Variants in USP30 observed in about 807,000 individuals in gnomAD.
USP30 encodes ubiquitin specific peptidase 30.
USP30 carries 41 observed loss-of-function variants against 68.2 expected under a neutral mutation model. The ratio of observed to expected loss-of-function variants is 0.60; its 90% CI spans 0.47 to 0.78. The LOEUF is 0.78. Ranked by LOEUF, USP30 falls within the 30% of genes least tolerant of loss-of-function variation. The pLI, the probability that USP30 is intolerant of heterozygous loss-of-function variation, is 0.00. For synonymous variants in USP30, 229 were observed against 253.7 expected, an observed-to-expected ratio of 0.90 and a Z score of 0.93; for missense variants, 522 against 649.4, an observed-to-expected ratio of 0.80 and a Z score of 2.13.
chr12:109,048,661 A>G (rs1566079900), upstream of USP30, among the ~76,000 whole-genome samples: 2 of 148,282 alleles, frequency 1.3e-5, no homozygotes, highest in Non-Finnish European at 3.0e-5. Context: ...AATGGCTTGA[A>G]CCTGGGAGGT....
chr12:109,082,270 C>T (rs1304282731), intron 9 of USP30, among the ~76,000 whole-genome samples: 1 of 152,230 alleles, frequency 6.6e-6, no homozygotes, highest in African/African-American at 2.4e-5. Context: ...CTCCAGTTTG[C>T]TGCAGTTGCC....
At chr12:109,076,446 A>C (rs557810505) in intron 7 of USP30, among the ~76,000 whole-genome samples, 2 of 151,678 alleles carry the variant, frequency 1.3e-5, no homozygotes, top group South Asian at 4.2e-4. Context: ...TATCCTGGCT[A>C]AGACTTATGG....
intron 3 of USP30, among the ~76,000 whole-genome samples, chr12:109,062,377 C>T (rs1335165879): frequency 1.3e-5 from 2 of 149,336 alleles, no homozygotes; most frequent in Middle Eastern, 3.4e-3. Flanking sequence ...CTCTGTCGCC[C>T]AGGCTGGAGT....
chr12:109,052,618 G>A lies in USP30; in HGVS notation c.-61G>A, dbSNP rs2040694915. On this transcript the variant is annotated 5_prime_UTR_variant, in exon 1 of 13. Transcript: ENST00000257548. ...TGTCTCGGGAACCGTCGTATCCCTC[G>A]GTCCGGCGGCGGCGGCGGCGGTAGC... The A allele has an allele frequency of 1.4e-6, 2 of 1,410,780 alleles. No homozygotes were observed. Among genetic ancestry groups the A allele is most frequent in the Admixed American group, 3.1e-5 (1 of 32,492 alleles). The allele number at this position is 1,410,780 out of a possible 1,614,324, so 87.4% of individuals were successfully genotyped here.
At position 109,052,727 on chromosome 12, in the gene USP30, A is replaced by G; in HGVS notation, c.49A>G (p.Ile17Val). Residue 17 changes from isoleucine to valine, a missense_variant, in exon 1 of 13, where the codon ATC becomes GTC. By Grantham distance (29) the Ile-to-Val change is conservative. Transcript: ENST00000257548. The part of the protein sequence containing the change: ...EAAMTAADRA[I>V]QRFLRTGAAV... ...GGCGATGACCGCGGCCGACAGGGCC[A>G]TCCAGCGCTTCCTGCGGACCGGGGC... The G allele has an allele frequency of 1.4e-6, 2 of 1,470,578 alleles. No individual in the cohort carries two copies. Among genetic ancestry groups the G allele is most frequent in the Middle Eastern group, 1.9e-4 (1 of 5,294 alleles). 91.1% of individuals were successfully genotyped at this position (1,470,578 alleles called of 1,614,324 possible).
chr12:109,080,438 A>C (rs2041763658), intron 7 of USP30, among the ~76,000 whole-genome samples: 2 of 152,152 alleles, frequency 1.3e-5, no homozygotes, highest in Admixed American at 1.3e-4. Context: ...GTTTTGTTGC[A>C]AACTTTACAA....
At chr12:109,047,162 T>G (rs2040612496) in intron 3 of USP30, among the ~76,000 whole-genome samples, 1 of 94,834 alleles carries the variant, frequency 1.1e-5, no homozygotes, top group Non-Finnish European at 2.1e-5. Context: ...ACAACAGAGG[T>G]GGATGCATTT....
At chr12:109,055,856 G>A (rs1187460219) in intron 1 of USP30, among the ~76,000 whole-genome samples, 5 of 151,640 alleles carry the variant, frequency 3.3e-5, no homozygotes, top group African/African-American at 1.2e-4. Context: ...TAGCGAATAG[G>A]TTAATTTTAT....
chr12:109,046,392 C>G (rs528617437), intron 3 of USP30, among the ~76,000 whole-genome samples: 1 of 150,248 alleles, frequency 6.7e-6, no homozygotes, highest in South Asian at 2.1e-4. Flanking sequence ...GGATTACGGG[C>G]GTGAGCCATT....
At chr12:109,046,021 A>G (rs1405003029) in intron 3 of USP30, among the ~76,000 whole-genome samples, 2 of 150,422 alleles carry the variant, frequency 1.3e-5, no homozygotes, top group African/African-American at 2.4e-5. Flanking sequence ...GGAAAAAGCC[A>G]GTGTTGCAAT....
chr12:109,055,553 C>A (rs1259801996), intron 1 of USP30, among the ~76,000 whole-genome samples: 5 of 148,162 alleles, frequency 3.4e-5, no homozygotes, highest in African/African-American at 1.2e-4. Context: ...GCACCTGCCA[C>A]CACACCCAGC....
chr12:109,058,551 A>C (rs2040952356), intron 3 of USP30, among the ~76,000 whole-genome samples: 1 of 149,254 alleles, frequency 6.7e-6, no homozygotes. Context: ...CAGCCTGAGC[A>C]ACAAGAGCGA....
At chr12:109,056,814 A>G (rs1216504680) in intron 2 of USP30, 23 bp downstream of exon 2, 2 of 1,558,444 alleles carry the variant, frequency 1.3e-6, no homozygotes, top group South Asian at 1.1e-5. Flanking sequence ...ACACTGCATC[A>G]TGGTCTGTAG....
At chr12:109,076,076 T>C (rs1355123708) in intron 7 of USP30, among the ~76,000 whole-genome samples, 2 of 152,172 alleles carry the variant, frequency 1.3e-5, no homozygotes, top group Non-Finnish European at 2.9e-5. Context: ...TTTTTAAAAA[T>C]AAGGTTCATA....
At chr12:109,064,481 A>G (rs145633102) in intron 3 of USP30, among the ~76,000 whole-genome samples, 41 of 152,248 alleles carry the variant, frequency 2.7e-4, no homozygotes, top group African/African-American at 9.6e-4. Flanking sequence ...ATGGTTCACC[A>G]TGTTGGCCAG....
rs751015493 is a variant in USP30 at position 109,085,066 on chromosome 12, G to T, written c.1282G>T (p.Asp428Tyr). Residue 428 changes from aspartate (D) to tyrosine (Y), a missense_variant, in exon 12 of 13, where the codon GAC becomes TAC. By Grantham distance (160) the Asp-to-Tyr change is radical. Transcript: ENST00000257548. ...GCCCTTCCCTCTCCCAGTTGTTCCC[G>T]ACTACAGGTGAGCCACCCTTTACAA... is the stretch of plus-strand genomic sequence containing the variant. ...PMPFPLPVVP[D>Y]YSSSTYLFRL... is the part of the protein sequence containing the mutation. The T allele has an allele frequency of 1.8e-5, 29 of 1,581,384 alleles. No homozygotes were observed. Among genetic ancestry groups the T allele is most frequent in the Non-Finnish European group, 2.5e-5 (29 of 1,160,932 alleles).
intron 7 of USP30, 80 bp from the exon 8 acceptor site, chr12:109,081,254 T>G (rs759727832): frequency 5.2e-6 from 7 of 1,350,054 alleles, no homozygotes; most frequent in Non-Finnish European, 6.3e-6. Flanking sequence ...TTAAACTGTT[T>G]CATAGTCACA....
Position 109,024,561 on chromosome 12 carries a change from A to G in USP30, c.-497-242A>G, listed in dbSNP as rs375883928. Among the ~76,000 whole-genome samples, 438 of 150,298 alleles carry G rather than the reference A, an allele frequency of 2.9e-3. 4 individuals are homozygous for G. The highest frequency in any genetic ancestry group is 9.2e-3 in the African/African-American group (377 of 40,834). ...GCTTGAGCCACCGTGCCCGGCCACA[A>G]TGATTAATTTTAAGTATCAACTTGG... On this transcript the variant is annotated intron_variant, in intron 1 of 15. Transcript: ENST00000392784.
intron 7 of USP30, among the ~76,000 whole-genome samples, chr12:109,075,024 T>C (rs2041554660): frequency 6.6e-6 from 1 of 152,254 alleles, no homozygotes; most frequent in South Asian, 2.1e-4. Context: ...GGTTCATCCA[T>C]GTTGTCACAG....
Sources: gnomAD v4.1 joint callset for allele counts (sites outside exome capture counted in the v4.1 genomes callset) on GRCh38, gnomAD v4.1.1 for gene constraint, MANE v1.5 for transcripts, NCBI Gene and HGNC (gene_info 2026-07-23, HGNC 2026-07-21) for gene names.